Variants in EPB41L4B observed in about 807,000 individuals in gnomAD.
The protein encoded by EPB41L4B is band 4.1-like protein 4B.
A neutral mutation model predicts 112.5 loss-of-function variants in EPB41L4B; 30 were observed. The ratio of observed to expected loss-of-function variants is 0.27; its 90% CI spans 0.20 to 0.36. The LOEUF (loss-of-function observed/expected upper bound fraction) is 0.36, where lower values mean the gene tolerates loss of function less well. EPB41L4B is among the 10% of genes least tolerant of loss of function. The pLI, the probability that EPB41L4B is intolerant of heterozygous loss-of-function variation, is 1.00. For missense variants in EPB41L4B, 1,024 were observed against 1,133.3 expected, an observed-to-expected ratio of 0.90 and a Z score of 1.38; for synonymous variants, 408 against 439.7, an observed-to-expected ratio of 0.93 and a Z score of 0.90.
intron 21 of EPB41L4B, among the ~76,000 whole-genome samples, chr9:109,192,854 C>T (rs1168732739): frequency 7.9e-5 from 12 of 152,096 alleles, no homozygotes; most frequent in Admixed American, 6.6e-4. Context: ...TGGATGGCCT[C>T]GAGGTCTTTT....
In EPB41L4B at chr9:109,258,315, G is replaced by A. The variant is rs1194073789; in HGVS notation, c.632-18C>T. 50 of 1,608,500 alleles carry A rather than the reference G, an allele frequency of 3.1e-5. No individual in the cohort carries two copies. The highest frequency in any genetic ancestry group is 4.2e-5 in the Non-Finnish European group (50 of 1,176,500). ...AAGCTCCGCTGTAAGTTTCATAAAAGGGAGGAAAATAGGAGACATTGAATG... is the reference window on the plus strand; with the variant it reads ...AAGCTCCGCTGTAAGTTTCATAAAAAGGAGGAAAATAGGAGACATTGAATG... On this transcript the variant is annotated intron_variant, in intron 6 of 25. Coordinates refer to ENST00000374566, the MANE Select transcript of EPB41L4B (RefSeq NM_019114.5).
intron 24 of EPB41L4B, among the ~76,000 whole-genome samples, chr9:109,179,356 G>A (rs745568126): frequency 6.6e-6 from 1 of 152,202 alleles, no homozygotes; most frequent in Admixed American, 6.5e-5. Context: ...CTGGAGGCCT[G>A]TGGAGAGGCC....
chr9:109,242,072 C>T lies in EPB41L4B; in HGVS notation c.1409+1546G>A, dbSNP rs1274753963. Among the ~76,000 whole-genome samples, 7 of 152,188 alleles carry T rather than the reference C, an allele frequency of 4.6e-5. No individual in the cohort carries two copies. In the South Asian group the frequency reaches 8.3e-4, roughly 18 times the overall value. Reference sequence around the variant, plus strand: ...CAAAGGGTGTCTCATGGGTCAAGTCCGTCTGGAGAAAGCTAAGTGAAGGTG... The same window carrying T: ...CAAAGGGTGTCTCATGGGTCAAGTCTGTCTGGAGAAAGCTAAGTGAAGGTG... On this transcript the variant is annotated intron_variant, in intron 15 of 25. Coordinates refer to ENST00000374566, the MANE Select transcript of EPB41L4B (RefSeq NM_019114.5).
chr9:109,241,345 TCC>T (rs1834346207), intron 15 of EPB41L4B: 1 of 1,067,364 alleles, frequency 9.4e-7, no homozygotes, highest in African/African-American at 1.7e-5. Context: ...TTTTATTTGC[TCC>T]CATTAATTAA....
intron 15 of EPB41L4B, among the ~76,000 whole-genome samples, chr9:109,228,032 G>A (rs1371151218): frequency 6.6e-6 from 1 of 152,138 alleles, no homozygotes; most frequent in Non-Finnish European, 1.5e-5. Flanking sequence ...TTCCTTTCCA[G>A]TAGTTATTCC....
At chr9:109,293,125 T>C (rs909813519) in intron 1 of EPB41L4B, among the ~76,000 whole-genome samples, 4 of 152,226 alleles carry the variant, frequency 2.6e-5, no homozygotes, top group African/African-American at 9.6e-5. Flanking sequence ...GAACCCATCA[T>C]GACAAATGTG....
rs1271416520 is a variant in EPB41L4B at position 109,182,777 on chromosome 9, A to G, written c.2439T>C (p.Asp813=). 4.3e-6 allele frequency: 7 copies of G among 1,612,218 alleles called. No homozygotes were observed. The South Asian group carries it at 6.6e-5, about 15-fold the overall frequency. Residue 813 remains aspartate (D), a synonymous_variant, in exon 24 of 26, where the codon GAT becomes GAC. Transcript: ENST00000374566. The stretch of plus-strand genomic sequence containing the variant: ...AAGTATCAGGAAACGGGTTCATTGT[A>G]TCAACCGGGAATGTTTTTATCTTCA... ...KTRLIKTFPV[D]TMNPFPDTFT...
intron 1 of EPB41L4B, among the ~76,000 whole-genome samples, chr9:109,288,753 A>AAAAAAC (rs1491056660): frequency 7.0e-6 from 1 of 141,918 alleles, no homozygotes; most frequent in Non-Finnish European, 1.5e-5. Flanking sequence ...AAAAAAAAAA[A>AAAAAAC]AGCTGGGTGT....
chr9:109,214,341 T>C (rs911484206), intron 16 of EPB41L4B, among the ~76,000 whole-genome samples: 2 of 152,222 alleles, frequency 1.3e-5, no homozygotes, highest in Admixed American at 6.5e-5. Flanking sequence ...ACATTAAATA[T>C]TCATTAAATA....
intron 1 of EPB41L4B, among the ~76,000 whole-genome samples, chr9:109,311,836 C>T (rs893920): frequency 0.99 from 151,252 of 152,310 alleles, 75,103 homozygotes; most frequent in East Asian, 1. Flanking sequence ...CCATACTTAC[C>T]AGCAGAGTGG....
chr9:109,267,697 T>C (rs1835459166), intron 3 of EPB41L4B, 146 bp from the exon 4 acceptor site: 1 of 587,300 alleles, frequency 1.7e-6, no homozygotes, highest in Non-Finnish European at 3.0e-6. Flanking sequence ...TAGCCAATTC[T>C]TTTCAGTCCT....
chr9:109,211,519 C>G (rs139325458), intron 17 of EPB41L4B, among the ~76,000 whole-genome samples: 2 of 148,884 alleles, frequency 1.3e-5, no homozygotes, highest in Admixed American at 6.7e-5. Context: ...TGCTTGAACC[C>G]GGGAGGTGGA....
intron 17 of EPB41L4B, among the ~76,000 whole-genome samples, chr9:109,212,886 T>C (rs1287454213): frequency 6.6e-6 from 1 of 152,140 alleles, no homozygotes; most frequent in Admixed American, 6.5e-5. Context: ...CATTTTACAA[T>C]GCACAGGACA....
At chr9:109,192,063 C>A (rs1374632509) in intron 22 of EPB41L4B, among the ~76,000 whole-genome samples, 1 of 152,162 alleles carries the variant, frequency 6.6e-6, no homozygotes, top group Non-Finnish European at 1.5e-5. Context: ...CCCACAACTA[C>A]CCTCGGAGCA....
At chr9:109,292,885 C>G (rs1325952162) in intron 1 of EPB41L4B, among the ~76,000 whole-genome samples, 2 of 152,156 alleles carry the variant, frequency 1.3e-5, no homozygotes, top group African/African-American at 2.4e-5. Flanking sequence ...CCATGTGAAA[C>G]GTCTAACTAC....
Position 109,285,783 on chromosome 9 carries a change from C to G in EPB41L4B, c.307-5862G>C, listed in dbSNP as rs1836251549. Among the ~76,000 whole-genome samples the G allele has an allele frequency of 4.6e-5, 7 of 152,144 alleles. 1 individual carries two copies. The South Asian group carries it at 1.5e-3, about 32-fold the overall frequency. On this transcript the variant is annotated intron_variant, in intron 1 of 25. Coordinates refer to ENST00000374566, the MANE Select transcript of EPB41L4B (RefSeq NM_019114.5). ...CTGCACCGCCAGCCTGGACACCCCA[C>G]CCGGGGCAACCCCTACAAATCTGAG...
rs191580871 is a variant in EPB41L4B at position 109,312,481 on chromosome 9, C to T, written c.306+7660G>A. Among the ~76,000 whole-genome samples the T allele has an allele frequency of 8.2e-4, 125 of 152,240 alleles. 1 individual carries two copies. Among genetic ancestry groups the T allele is most frequent in the African/African-American group, 2.1e-3 (87 of 41,550 alleles). On this transcript the variant is annotated intron_variant, in intron 1 of 25. Coordinates refer to ENST00000374566, the MANE Select transcript of EPB41L4B (RefSeq NM_019114.5). ...GGGGCTCAGGGGTCGCCATCCAGCT[C>T]GGAACCTCTGGGGCAAGCTCAGAGC... is the stretch of plus-strand genomic sequence containing the variant.
At chr9:109,307,810 C>G (rs1253107988) in intron 1 of EPB41L4B, among the ~76,000 whole-genome samples, 1 of 150,876 alleles carries the variant, frequency 6.6e-6, no homozygotes, top group Non-Finnish European at 1.5e-5. Flanking sequence ...GGGTTGAGAA[C>G]CCTGGTCGCT....
intron 1 of EPB41L4B, among the ~76,000 whole-genome samples, chr9:109,291,116 G>A (rs1277132256): frequency 6.6e-6 from 1 of 152,082 alleles, no homozygotes; most frequent in Non-Finnish European, 1.5e-5. Context: ...AGATGAGACT[G>A]AGCCTCAGGG....
Sources: gnomAD v4.1 joint callset for allele counts (sites outside exome capture counted in the v4.1 genomes callset) on GRCh38, gnomAD v4.1.1 for gene constraint, MANE v1.5 for transcripts, NCBI Gene and HGNC (gene_info 2026-07-23, HGNC 2026-07-21) for gene names.